The following PDE10A variants were observed in gnomAD, a reference collection of about 807,000 sequenced individuals.
PDE10A encodes cAMP and cAMP-inhibited cGMP 3',5'-cyclic phosphodiesterase 10A.
Under a neutral mutation model 97.7 loss-of-function variants are expected in PDE10A, and 39 were observed. The observed-to-expected ratio is 0.40, with a 90% confidence interval of 0.31 to 0.52. The LOEUF (loss-of-function observed/expected upper bound fraction) is 0.52. Ranked by LOEUF, PDE10A falls within the 20% of genes least tolerant of loss-of-function variation. PDE10A has a pLI of 0.56. For synonymous variants in PDE10A, 371 were observed against 376.8 expected (o/e 0.98, Z 0.18); for missense variants, 731 against 1,047.8 (o/e 0.70, Z 4.17).
rs545504539 is a variant in PDE10A, at chr6:165,615,612, ATAT to A, written c.865+46332_865+46334del. Among the ~76,000 whole-genome samples, 300 of 152,354 alleles carry A rather than the reference ATAT, an allele frequency of 2.0e-3. 2 individuals are homozygous for A. Among genetic ancestry groups the A allele is most frequent in the African/African-American group, 7.0e-3 (290 of 41,592 alleles). ...GTTCTTTTAAAAATGACATATTGAA[ATAT>A]TTAAAGTAAGTTTTATTTCAAAAGT... On this transcript the variant is annotated intron_variant, in intron 1 of 21. Coordinates refer to ENST00000539869, the MANE Select transcript of PDE10A (RefSeq NM_001385079.1).
chr6:165,334,457 G>A (rs1484065010), intron 21 of PDE10A, among the ~76,000 whole-genome samples: 3 of 149,138 alleles, frequency 2.0e-5, no homozygotes, highest in African/African-American at 7.4e-5. Context: ...CCGGGCACAC[G>A]CCTCCATAGC....
intron 1 of PDE10A, among the ~76,000 whole-genome samples, chr6:165,954,659 G>A (rs750849842): frequency 2.6e-5 from 4 of 152,088 alleles, no homozygotes; most frequent in East Asian, 1.9e-4. Context: ...TCTTGGCTGC[G>A]CCTCAGTTGC....
At chr6:165,588,611 T>C (rs936192666) in intron 1 of PDE10A, among the ~76,000 whole-genome samples, 1 of 152,152 alleles carries the variant, frequency 6.6e-6, no homozygotes, top group South Asian at 2.1e-4. Flanking sequence ...ATGATTTTAC[T>C]TTGTCCCCTA....
chr6:165,395,062 T>C (rs912175380), intron 15 of PDE10A, 119 bp downstream of exon 15: 1 of 575,994 alleles, frequency 1.7e-6, no homozygotes, highest in Admixed American at 3.4e-5. Context: ...AAAAGTAATT[T>C]ATACATGCAG....
intron 1 of PDE10A, among the ~76,000 whole-genome samples, chr6:165,639,188 G>A (rs1227238638): frequency 6.6e-6 from 1 of 152,066 alleles, no homozygotes; most frequent in African/African-American, 2.4e-5. Context: ...ACATTCAAAA[G>A]TTAAACAATT....
At position 165,369,211 on chromosome 6, in the gene PDE10A, G is replaced by C. The variant is rs532522470; in HGVS notation, c.2783+9983C>G. The stretch of plus-strand genomic sequence containing the variant: ...AGGAACACAGTTCCTCACCAGCAAC[G>C]GAACAAAGCTGGATGGAGAATGACT... On this transcript the variant is annotated intron_variant, in intron 18 of 21. Coordinates refer to ENST00000539869, the MANE Select transcript of PDE10A (RefSeq NM_001385079.1). Among the ~76,000 whole-genome samples the C allele has an allele frequency of 6.9e-3, 1,045 of 152,176 alleles. 10 individuals carry two copies. Among genetic ancestry groups the C allele is most frequent in the African/African-American group, 0.024 (1,005 of 41,486 alleles).
chr6:165,958,498 CA>C (rs1159668296), intron 1 of PDE10A, among the ~76,000 whole-genome samples: 1 of 57,714 alleles, frequency 1.7e-5, no homozygotes, highest in Non-Finnish European at 3.5e-5. Flanking sequence ...GAGAGAAAGA[CA>C]AGAAAGAAAG....
At chr6:165,596,870 C>T (rs899201265) in intron 1 of PDE10A, among the ~76,000 whole-genome samples, 28 of 152,072 alleles carry the variant, frequency 1.8e-4, no homozygotes, top group African/African-American at 6.5e-4. Context: ...CTGACATGGC[C>T]GCCTTGCAGT....
intron 18 of PDE10A, among the ~76,000 whole-genome samples, chr6:165,351,259 A>C (rs565422284): frequency 1.3e-5 from 2 of 152,320 alleles, no homozygotes; most frequent in South Asian, 4.1e-4. Context: ...TCACAATGTC[A>C]ATATGAGTAA....
intron 1 of PDE10A, among the ~76,000 whole-genome samples, chr6:165,796,375 C>T (rs1250604535): frequency 2.0e-5 from 3 of 152,106 alleles, no homozygotes; most frequent in South Asian, 2.1e-4. Context: ...CGTGAGCCAC[C>T]GCACCTGGCC....
At chr6:165,972,571 A>G (rs1380811113) in intron 1 of PDE10A, among the ~76,000 whole-genome samples, 1 of 152,154 alleles carries the variant, frequency 6.6e-6, no homozygotes, top group Non-Finnish European at 1.5e-5. Flanking sequence ...CAGCGCACCC[A>G]AGCAGCTTTA....
intron 1 of PDE10A, chr6:165,908,697 T>C (rs1193770464): frequency 2.6e-5 from 4 of 152,260 alleles, no homozygotes; most frequent in African/African-American, 9.6e-5. Context: ...GACAGACCTC[T>C]TCCCAGAACA....
intron 8 of PDE10A, among the ~76,000 whole-genome samples, chr6:165,431,172 A>G (rs1562459745): frequency 6.6e-6 from 1 of 151,782 alleles, no homozygotes; most frequent in Non-Finnish European, 1.5e-5. Flanking sequence ...TTATTGCATT[A>G]ATTATATATG....
At chr6:165,737,828 C>T (rs1792616473) in intron 1 of PDE10A, among the ~76,000 whole-genome samples, 1 of 152,106 alleles carries the variant, frequency 6.6e-6, no homozygotes, top group African/African-American at 2.4e-5. Context: ...AAAAGGAATA[C>T]AAGGCATGCA....
intron 17 of PDE10A, among the ~76,000 whole-genome samples, chr6:165,385,683 A>G (rs767361786): frequency 1.3e-5 from 2 of 152,262 alleles, no homozygotes; most frequent in Non-Finnish European, 2.9e-5. Flanking sequence ...GAGAAGTATC[A>G]TGAGGATTAC....
chr6:165,861,128 CA>C (rs1388797329), intron 1 of PDE10A, among the ~76,000 whole-genome samples: 1 of 152,188 alleles, frequency 6.6e-6, no homozygotes, highest in African/African-American at 2.4e-5. Context: ...TGCAACCCAC[CA>C]ACTGGAAACA....
At chr6:165,738,081 A>G (rs1176918571) in intron 1 of PDE10A, among the ~76,000 whole-genome samples, 1 of 151,734 alleles carries the variant, frequency 6.6e-6, no homozygotes, top group Admixed American at 6.6e-5. Flanking sequence ...TTACATACGT[A>G]TACATGTGCC....
At chr6:165,404,727 G>A (rs1158684207) in intron 13 of PDE10A, among the ~76,000 whole-genome samples, 1 of 152,040 alleles carries the variant, frequency 6.6e-6, no homozygotes, top group East Asian at 1.9e-4. Flanking sequence ...TCTACAAATT[G>A]AGCTAATGAA....
At chr6:165,814,267 G>A (rs1779352382) in intron 1 of PDE10A, among the ~76,000 whole-genome samples, 1 of 152,126 alleles carries the variant, frequency 6.6e-6, no homozygotes, top group Non-Finnish European at 1.5e-5. Flanking sequence ...TCAGCACTGT[G>A]CTCCTTCCTT....
Sources: allele counts gnomAD v4.1 joint callset (sites outside exome capture counted in the v4.1 genomes callset), GRCh38; gene constraint gnomAD v4.1.1; transcripts MANE v1.5; gene names NCBI Gene and HGNC (gene_info 2026-07-23, HGNC 2026-07-21).